Variants in OSBPL9 observed in about 807,000 individuals in gnomAD.
OSBPL9 encodes oxysterol binding protein like 9.
A neutral mutation model predicts 106.6 loss-of-function variants in OSBPL9; 40 were observed. The ratio of observed to expected loss-of-function variants is 0.38; its 90% CI spans 0.29 to 0.49. The LOEUF is 0.49. Among genes scored for constraint, OSBPL9 ranks in the 20% least tolerant of loss-of-function variants. The pLI is 0.97. For missense variants in OSBPL9, 609 were observed against 887.2 expected, an observed-to-expected ratio of 0.69 and a Z score of 3.98; for synonymous variants, 269 against 295.4, an observed-to-expected ratio of 0.91 and a Z score of 0.92.
At chr1:51,739,509 T>C (rs146169880) in intron 4 of OSBPL9, among the ~76,000 whole-genome samples, 11 of 152,062 alleles carry the variant, frequency 7.2e-5, no homozygotes, top group African/African-American at 2.6e-4. Context: ...GCTACCATGT[T>C]GACAATAAAG....
intron 3 of OSBPL9, among the ~76,000 whole-genome samples, chr1:51,673,004 C>T (rs1285709526): frequency 2.0e-5 from 3 of 152,048 alleles, no homozygotes; most frequent in South Asian, 2.1e-4. Context: ...GTATTGAAAG[C>T]CACAAGAATT....
intron 2 of OSBPL9, among the ~76,000 whole-genome samples, chr1:51,608,459 A>T (rs1293217461): frequency 2.1e-5 from 3 of 144,768 alleles, no homozygotes; most frequent in Admixed American, 6.9e-5. Flanking sequence ...TGCCCAGCTA[A>T]TTTTTTTTTT....
chr1:51,579,833 C>T (rs992852634), intron 1 of OSBPL9, among the ~76,000 whole-genome samples: 4 of 143,608 alleles, frequency 2.8e-5, no homozygotes, highest in East Asian at 2.0e-4. Context: ...CCAGCCTGGG[C>T]GACAGAGTGA....
chr1:51,753,404 TA>T (rs1669674207), intron 8 of OSBPL9, among the ~76,000 whole-genome samples: 1 of 152,194 alleles, frequency 6.6e-6, no homozygotes, highest in African/African-American at 2.4e-5. Context: ...AGCTGGCATG[TA>T]ATAAGCTCTA....
chr1:51,649,058 C>G (rs1457174522), intron 1 of OSBPL9, among the ~76,000 whole-genome samples: 1 of 151,984 alleles, frequency 6.6e-6, no homozygotes, highest in East Asian at 1.9e-4. Context: ...TTTTTTCAGA[C>G]CCTTCAGGAT....
chr1:51,772,510 C>T, intron 13 of OSBPL9, 95 bp from the exon 14 acceptor site: 3 of 1,009,670 alleles, frequency 3.0e-6, no homozygotes, highest in Non-Finnish European at 4.7e-6. Flanking sequence ...AATGAGACTC[C>T]ATCTCAAACA....
chr1:51,639,211 C>G (rs1216663178), intron 1 of OSBPL9, among the ~76,000 whole-genome samples: 1 of 152,188 alleles, frequency 6.6e-6, no homozygotes, highest in Non-Finnish European at 1.5e-5. Context: ...CTGTCCCTTT[C>G]CTGTCTGTCC....
chr1:51,685,554 C>T (rs1653601399), intron 3 of OSBPL9, among the ~76,000 whole-genome samples: 1 of 152,100 alleles, frequency 6.6e-6, no homozygotes, highest in Non-Finnish European at 1.5e-5. Flanking sequence ...ATTATAGGCG[C>T]GCCACCACAC....
chr1:51,602,122 G>C (rs1038062050), intron 2 of OSBPL9, among the ~76,000 whole-genome samples: 1 of 140,758 alleles, frequency 7.1e-6, no homozygotes, highest in African/African-American at 2.6e-5. Context: ...CTGGGTTCAC[G>C]CCATTCTCCT....
Position 51,578,403 on chromosome 1 carries a change from C to T in OSBPL9, c.-423+1147C>T, listed in dbSNP as rs568992999. 3.3e-5 allele frequency among the ~76,000 whole-genome samples: 5 copies of T among 152,254 alleles called. No individual in the cohort carries two copies. In the South Asian group the frequency reaches 8.3e-4, roughly 25 times the overall value. On this transcript the variant is annotated intron_variant, in intron 1 of 25. Coordinates refer to the OSBPL9 transcript ENST00000371714. ...TTTAGGGTGTCTCAAAACAAGGAGG[C>T]TCTCTTTTTGTTAGGAGAATAATAT...
chr1:51,616,934 C>G (rs1192164389), upstream of OSBPL9: 3 of 1,232,574 alleles, frequency 2.4e-6, 1 homozygote, highest in African/African-American at 4.5e-5. Flanking sequence ...GGCATGGAGT[C>G]CTACACACAA....
At chr1:51,634,847 T>TA (rs1411409884) in intron 1 of OSBPL9, among the ~76,000 whole-genome samples, 8 of 152,206 alleles carry the variant, frequency 5.3e-5, no homozygotes, top group Non-Finnish European at 7.3e-5. Context: ...AAGCATGTCT[T>TA]ACGCTGGGGC....
chr1:51,620,685 G>C (rs952103970), intron 1 of OSBPL9, among the ~76,000 whole-genome samples: 4 of 152,156 alleles, frequency 2.6e-5, no homozygotes, highest in African/African-American at 9.7e-5. Context: ...AGGTAGTAGT[G>C]AGAGATGAAC....
chr1:51,744,732 C>T (rs1190393230), intron 4 of OSBPL9, among the ~76,000 whole-genome samples: 2 of 152,106 alleles, frequency 1.3e-5, no homozygotes, highest in African/African-American at 4.8e-5. Flanking sequence ...GATGACTGGG[C>T]ATGAAAATGT....
chr1:51,782,554 T>C lies in OSBPL9; in HGVS notation c.1429-5T>C, dbSNP rs1265900460. ...AAAAGAAAATTATGTTATATTTGCT[T>C]GCAGGAACTAGTTTCAGAAGGACCA... On this transcript the variant is annotated splice_polypyrimidine_tract_variant and splice_region_variant and intron_variant, in intron 16 of 23. Coordinates refer to ENST00000428468, the MANE Select transcript of OSBPL9 (RefSeq NM_024586.6). 6.2e-7 allele frequency: 1 copy of C among 1,612,454 alleles called. No individual in the cohort carries two copies. The highest frequency in any genetic ancestry group is 8.5e-7 in the Non-Finnish European group (1 of 1,179,134).
chr1:51,715,042 A>C (rs976737955), intron 4 of OSBPL9, among the ~76,000 whole-genome samples: 2 of 152,228 alleles, frequency 1.3e-5, no homozygotes, highest in African/African-American at 4.8e-5. Context: ...TGTGGTACAT[A>C]GGGGATTTTG....
chr1:51,617,274 T>C, intron 1 of OSBPL9, 53 bp downstream of exon 1: 2 of 1,532,818 alleles, frequency 1.3e-6, no homozygotes, highest in African/African-American at 1.4e-5. Context: ...GTTTCCTGGG[T>C]GGAGGTGGGG....
the OSBPL9 span, among the ~76,000 whole-genome samples, chr1:51,555,035 T>G: frequency 6.6e-6 from 1 of 152,210 alleles, no homozygotes; most frequent in Non-Finnish European, 1.5e-5. Context: ...ACAAAGTTAA[T>G]TTAGTTTCCC....
intron 2 of OSBPL9, among the ~76,000 whole-genome samples, chr1:51,652,957 A>G (rs1646609473): frequency 6.6e-6 from 1 of 152,108 alleles, no homozygotes; most frequent in South Asian, 2.1e-4. Flanking sequence ...TTTTTTCTGC[A>G]TCCTTACTTT....
Sources: allele counts gnomAD v4.1 joint callset (sites outside exome capture counted in the v4.1 genomes callset), GRCh38; gene constraint gnomAD v4.1.1; transcripts MANE v1.5; gene names NCBI Gene and HGNC (gene_info 2026-07-23, HGNC 2026-07-21).